Variants in IL1RAPL1 observed in about 807,000 individuals in gnomAD.
The protein encoded by IL1RAPL1 is interleukin-1 receptor accessory protein-like 1.
A neutral mutation model predicts 48.4 loss-of-function variants in IL1RAPL1; 3 were observed. That is an observed-to-expected ratio of 0.06 (90% CI 0.03 to 0.16). The LOEUF (loss-of-function observed/expected upper bound fraction) is 0.16. Ranked by LOEUF, IL1RAPL1 falls within the 10% of genes least tolerant of loss-of-function variation. The pLI, the probability that IL1RAPL1 is intolerant of heterozygous loss-of-function variation, is 1.00. For missense variants in IL1RAPL1, 349 were observed against 530.6 expected, an observed-to-expected ratio of 0.66 and a Z score of 3.36; for synonymous variants, 185 against 187.7, an observed-to-expected ratio of 0.99 and a Z score of 0.12.
At chrX:29,305,839 A>T (rs1175493295) in intron 3 of IL1RAPL1, among the ~76,000 whole-genome samples, 2 of 112,158 alleles carry the variant, frequency 1.8e-5, no homozygotes. Context: ...TTGAGCCATG[A>T]GATGTGTGTG....
intron 5 of IL1RAPL1, among the ~76,000 whole-genome samples, chrX:29,425,234 T>G (rs1267074376): frequency 8.9e-6 from 1 of 112,185 alleles, no homozygotes; most frequent in Admixed American, 9.5e-5. Flanking sequence ...GAGAAGCAGC[T>G]GGACATAGAA....
In IL1RAPL1 at chrX:29,606,154, A is replaced by G. The variant is rs142952606; in HGVS notation, c.704-62276A>G. Among the ~76,000 whole-genome samples, 898 of 112,204 alleles carry G rather than the reference A, an allele frequency of 8.0e-3. 11 individuals are homozygous for G. The highest frequency in any genetic ancestry group is 0.028 in the African/African-American group (855 of 30,953). On this transcript the variant is annotated intron_variant, in intron 5 of 10. Transcript: ENST00000378993. ...TTGGATGTTTAAGAAAAAATATTAC[A>G]AAGAAGTTTTGAAGGTTTTCCTTTT...
chrX:29,948,167 TAA>T (rs1282817272), intron 9 of IL1RAPL1, among the ~76,000 whole-genome samples: 3 of 111,462 alleles, frequency 2.7e-5, no homozygotes, highest in Non-Finnish European at 5.7e-5. Flanking sequence ...ATGAGTTATA[TAA>T]AAAGTTATGG....
intron 3 of IL1RAPL1, among the ~76,000 whole-genome samples, chrX:29,332,249 G>A (rs1327170221): frequency 2.5e-5 from 2 of 80,849 alleles, no homozygotes; most frequent in African/African-American, 9.1e-5. Flanking sequence ...CCATTTATCC[G>A]CATCTGTATA....
At position 29,441,644 on chromosome X, in the gene IL1RAPL1, T is replaced by A. The variant is rs1209892833; in HGVS notation, c.703+42336T>A. ...TGGATATTTTCTCAAAACTTTATCCTCAGGCAAATGATTCCACGTGCTTAC... is the reference window on the plus strand; with the variant it reads ...TGGATATTTTCTCAAAACTTTATCCACAGGCAAATGATTCCACGTGCTTAC... On this transcript the variant is annotated intron_variant, in intron 5 of 10. Transcript: ENST00000378993. 7.1e-5 allele frequency among the ~76,000 whole-genome samples: 8 copies of A among 111,991 alleles called. No individual in the cohort carries two copies. The Admixed American group carries it at 7.6e-4, about 11-fold the overall frequency.
intron 2 of IL1RAPL1, among the ~76,000 whole-genome samples, chrX:29,180,403 T>C (rs1340829993): frequency 1.8e-5 from 2 of 109,715 alleles, no homozygotes; most frequent in Admixed American, 9.9e-5. Context: ...TGAGATGGAG[T>C]TTTGCTGTCG....
chrX:29,597,445 G>A (rs1038997185), intron 5 of IL1RAPL1, among the ~76,000 whole-genome samples: 15 of 111,340 alleles, frequency 1.3e-4, no homozygotes, highest in African/African-American at 4.9e-4. Flanking sequence ...GAGCCACCAC[G>A]CCCGGCCTTG....
At chrX:29,395,966 AT>A (rs1335927593) in intron 3 of IL1RAPL1, among the ~76,000 whole-genome samples, 1 of 111,923 alleles carries the variant, frequency 8.9e-6, no homozygotes, top group Non-Finnish European at 1.9e-5. Flanking sequence ...ATCTTCCTTT[AT>A]TTTTTTTCTA....
Position 29,219,982 on chromosome X carries a change from A to C in IL1RAPL1, c.83-62956A>C, listed in dbSNP as rs1288080111. Among the ~76,000 whole-genome samples, 3 of 110,892 alleles carry C rather than the reference A, an allele frequency of 2.7e-5. No individual in the cohort carries two copies. In the East Asian group the frequency reaches 8.4e-4, roughly 31 times the overall value. ...AAAAAAAAAAAGAAAAATTGGCAAT[A>C]GGAGTCCTGTGGGAGAAGTTAAAGT... On this transcript the variant is annotated intron_variant, in intron 2 of 10. Coordinates refer to ENST00000378993, the MANE Select transcript of IL1RAPL1 (RefSeq NM_014271.4).
At chrX:29,832,421 T>C (rs1257726291) in intron 6 of IL1RAPL1, among the ~76,000 whole-genome samples, 1 of 111,418 alleles carries the variant, frequency 9.0e-6, no homozygotes, top group Non-Finnish European at 1.9e-5. Flanking sequence ...CTGGCAAAAT[T>C]TGGGGGTGTG....
At chrX:29,889,716 C>T (rs747583029) in intron 6 of IL1RAPL1, among the ~76,000 whole-genome samples, 64 of 111,455 alleles carry the variant, frequency 5.7e-4, no homozygotes, top group African/African-American at 2.0e-3. Context: ...TTATTATACA[C>T]ACGTGTTGTT....
At chrX:29,308,596 G>A (rs1242692175) in intron 3 of IL1RAPL1, among the ~76,000 whole-genome samples, 1 of 111,809 alleles carries the variant, frequency 8.9e-6, no homozygotes, top group African/African-American at 3.3e-5. Flanking sequence ...AAACCTTTAG[G>A]ACTGCTGTGA....
At position 29,803,190 on chromosome X, in the gene IL1RAPL1, T is replaced by C. The variant is rs1247557275; in HGVS notation, c.779-114274T>C. The stretch of plus-strand genomic sequence containing the variant: ...ACATATGCATACATATATGTATATA[T>C]GTATACATATACACACATGTATATA... On this transcript the variant is annotated intron_variant, in intron 6 of 10. Coordinates refer to ENST00000378993, the MANE Select transcript of IL1RAPL1 (RefSeq NM_014271.4). Among the ~76,000 whole-genome samples the C allele has an allele frequency of 6.8e-4, 19 of 27,767 alleles. 2 individuals are homozygous for C. The highest frequency in any genetic ancestry group is 2.9e-3 in the African/African-American group (18 of 6,305). The allele number at this position is 27,767 out of a possible 115,157, so 24.1% of individuals were successfully genotyped here.
intron 2 of IL1RAPL1, among the ~76,000 whole-genome samples, chrX:29,048,652 T>C (rs1393041643): frequency 8.9e-6 from 1 of 112,414 alleles, no homozygotes; most frequent in Non-Finnish European, 1.9e-5. Context: ...ACACCAATCC[T>C]GTGTGTAAGA....
At chrX:28,615,168 A>G (rs1030105036) in intron 1 of IL1RAPL1, among the ~76,000 whole-genome samples, 35 of 89,173 alleles carry the variant, frequency 3.9e-4, no homozygotes, top group Non-Finnish European at 6.4e-4. Context: ...GATTACAGGT[A>G]TGAGGCACTG....
At chrX:28,944,220 A>G (rs1287468567) in intron 2 of IL1RAPL1, among the ~76,000 whole-genome samples, 1 of 110,833 alleles carries the variant, frequency 9.0e-6, no homozygotes, top group Non-Finnish European at 1.9e-5. Context: ...ATAAATTAAG[A>G]TTTGGTAAGT....
chrX:28,968,245 A>G (rs965100047), intron 2 of IL1RAPL1, among the ~76,000 whole-genome samples: 5 of 111,773 alleles, frequency 4.5e-5, no homozygotes, highest in African/African-American at 9.7e-5. Flanking sequence ...TTAGTTCCGT[A>G]GCCATTAGTT....
chrX:29,493,269 C>G (rs1179335843), intron 5 of IL1RAPL1, among the ~76,000 whole-genome samples: 1 of 111,845 alleles, frequency 8.9e-6, no homozygotes, highest in East Asian at 2.8e-4. Context: ...ACCCAAATCT[C>G]TAGGCAACTC....
intron 1 of IL1RAPL1, among the ~76,000 whole-genome samples, chrX:28,689,647 A>T (rs1935153992): frequency 8.9e-6 from 1 of 112,117 alleles, no homozygotes; most frequent in African/African-American, 3.2e-5. Context: ...ATAAATAGGG[A>T]AATATTTCCA....
Sources: allele counts gnomAD v4.1 joint callset (sites outside exome capture counted in the v4.1 genomes callset), GRCh38; gene constraint gnomAD v4.1.1; transcripts MANE v1.5; gene names NCBI Gene and HGNC (gene_info 2026-07-23, HGNC 2026-07-21).